SNX21: variants seen among roughly 807,000 people sequenced by gnomAD.
The protein encoded by SNX21 is sorting nexin-21.
A neutral mutation model predicts 30.9 loss-of-function variants in SNX21; 36 were observed. The observed-to-expected ratio is 1.16, with a 90% CI of 0.89 to 1.54. The LOEUF is 1.54. Ranked by LOEUF, SNX21 falls within the 40% of genes most tolerant of loss-of-function variation. The pLI is 0.00. For missense variants in SNX21, 508 were observed against 516.5 expected, an observed-to-expected ratio of 0.98 and a Z score of 0.16; for synonymous variants, 218 against 222.7, an observed-to-expected ratio of 0.98 and a Z score of 0.19.
chr20:45,837,075 C>A (rs543935298), intron 3 of SNX21, among the ~76,000 whole-genome samples: 36 of 152,270 alleles, frequency 2.4e-4, no homozygotes, highest in African/African-American at 8.7e-4. Flanking sequence ...TAAATGAAAT[C>A]ACAGATGTAA....
At chr20:45,835,186 C>G in intron 3 of SNX21, 70 bp downstream of exon 3, 4 of 1,504,652 alleles carry the variant, frequency 2.7e-6, no homozygotes, top group South Asian at 1.3e-5. Flanking sequence ...GGGAAGACCC[C>G]AACTTCCTGA....
rs1002196964 is a variant in SNX21, at chr20:45,833,958, G to A, written c.21+18G>A. Reference sequence around the variant, plus strand: ...CGCAGGAGGTAGAGGCGCACGAGGCGGCGCAAGAGACATCGGGAGGGTCCT... The same window carrying A: ...CGCAGGAGGTAGAGGCGCACGAGGCAGCGCAAGAGACATCGGGAGGGTCCT... On this transcript the variant is annotated intron_variant, in intron 1 of 3. Coordinates refer to ENST00000491381, the MANE Select transcript of SNX21 (RefSeq NM_033421.4). 2.1e-6 allele frequency: 3 copies of A among 1,433,514 alleles called. No homozygotes were observed. Among genetic ancestry groups the A allele is most frequent in the Admixed American group, 3.2e-5 (1 of 31,378 alleles). 88.8% of individuals were successfully genotyped at this position (1,433,514 alleles called of 1,614,324 possible).
At chr20:45,836,043 C>G (rs1983497534) in intron 3 of SNX21, among the ~76,000 whole-genome samples, 1 of 152,204 alleles carries the variant, frequency 6.6e-6, no homozygotes, top group Non-Finnish European at 1.5e-5. Context: ...TCCTCTTCAC[C>G]ACCCTTCTCC....
intron 3 of SNX21, among the ~76,000 whole-genome samples, chr20:45,837,919 C>G (rs977567378): frequency 6.6e-6 from 1 of 151,768 alleles, no homozygotes; most frequent in African/African-American, 2.4e-5. Flanking sequence ...ATTACAGGTG[C>G]CCACCACCAT....
chr20:45,841,834 C>A lies in SNX21; in HGVS notation c.*521C>A, dbSNP rs994405666. 1 of 1,598,904 alleles carries A rather than the reference C, an allele frequency of 6.3e-7. No homozygotes were observed. The highest frequency in any genetic ancestry group is 1.7e-4 in the Middle Eastern group (1 of 5,926). On this transcript the variant is annotated 3_prime_UTR_variant, in exon 4 of 4. Transcript: ENST00000491381. ...GAAGCCCCAGGCGAAGCTGGTACCT[C>A]TGGCTACAGCTTGCTCTCTGAGACC...
At chr20:45,839,746 A>G (rs1295101447) in intron 3 of SNX21, among the ~76,000 whole-genome samples, 2 of 151,414 alleles carry the variant, frequency 1.3e-5, no homozygotes, top group African/African-American at 4.9e-5. Flanking sequence ...AAAAAAAAAA[A>G]AAAATTTTTT....
chr20:45,839,317 C>T (rs549532865), intron 3 of SNX21, among the ~76,000 whole-genome samples: 1 of 151,986 alleles, frequency 6.6e-6, no homozygotes, highest in African/African-American at 2.4e-5. Flanking sequence ...AGATCGAGAC[C>T]ATCCTGGCTA....
At position 45,834,999 on chromosome 20, in the gene SNX21, C is replaced by T. The variant is rs774540528; in HGVS notation, c.330C>T (p.Leu110=). ...PPPDGQWGSQ[L]LARQLQDFWK... ...CTGATGGGCAGTGGGGCAGTCAGCT[C>T]CTGGCGCGGCAGCTGCAGGATTTCT... Residue 110 remains leucine (L), a synonymous_variant, in exon 3 of 4, where the codon CTC becomes CTT. Transcript: ENST00000491381. The T allele has an allele frequency of 1.2e-6, 2 of 1,614,204 alleles. No homozygotes were observed. Among genetic ancestry groups the T allele is most frequent in the South Asian group, 2.2e-5 (2 of 91,088 alleles).
intron 3 of SNX21, among the ~76,000 whole-genome samples, chr20:45,835,326 G>A (rs979416807): frequency 2.0e-5 from 3 of 152,208 alleles, no homozygotes; most frequent in African/African-American, 4.8e-5. Context: ...TGGGGATTAA[G>A]GACCTTCCTC....
At chr20:45,838,061 C>T (rs1048256087) in intron 3 of SNX21, among the ~76,000 whole-genome samples, 7 of 150,038 alleles carry the variant, frequency 4.7e-5, no homozygotes, top group Admixed American at 1.3e-4. Context: ...TGAGCCACTA[C>T]GCCCAGCCGA....
At chr20:45,837,935 G>T (rs1424552446) in intron 3 of SNX21, among the ~76,000 whole-genome samples, 2 of 151,198 alleles carry the variant, frequency 1.3e-5, no homozygotes, top group Non-Finnish European at 2.9e-5. Flanking sequence ...ACCATGCCTG[G>T]CTAACTTTTG....
intron 3 of SNX21, among the ~76,000 whole-genome samples, chr20:45,839,871 T>C (rs1194569382): frequency 1.3e-5 from 2 of 152,062 alleles, no homozygotes; most frequent in African/African-American, 2.4e-5. Flanking sequence ...ATTGTACCAG[T>C]GTACTCCAAC....
chr20:45,841,107 T>G lies in SNX21; in HGVS notation c.916T>G (p.Cys306Gly). Residue 306 changes from cysteine to glycine, a missense_variant, in exon 4 of 4, where the codon TGT (cysteine) becomes GGT (glycine). Physicochemically the swap from Cys to Gly is radical, Grantham distance 159 (BLOSUM62 -3). Coordinates refer to ENST00000491381, the MANE Select transcript of SNX21 (RefSeq NM_033421.4). The stretch of plus-strand genomic sequence containing the variant: ...AGACCCTGGAGAGGCCCGGGCATGC[T>G]GTGAGAAGGCCCTGCAGCTGCTTGG... ...LEDPGEARAC[C>G]EKALQLLGDK... 6.2e-7 allele frequency: 1 copy of G among 1,610,184 alleles called. No homozygotes were observed. The highest frequency in any genetic ancestry group is 1.1e-5 in the South Asian group (1 of 90,710).
intron 3 of SNX21, among the ~76,000 whole-genome samples, chr20:45,839,140 G>A (rs1053021188): frequency 6.6e-6 from 1 of 152,148 alleles, no homozygotes; most frequent in Non-Finnish European, 1.5e-5. Context: ...TGATCCACCT[G>A]CCTCAGCCTC....
intron 1 of SNX21, 29 bp from the exon 2 acceptor site, chr20:45,834,172 C>A: frequency 1.4e-6 from 2 of 1,465,420 alleles, no homozygotes; most frequent in Non-Finnish European, 1.8e-6. Context: ...CTCCGGGATC[C>A]GGTACACAGC....
intron 3 of SNX21, chr20:45,840,332 C>T: frequency 6.5e-7 from 1 of 1,532,862 alleles, no homozygotes; most frequent in Non-Finnish European, 8.7e-7. Flanking sequence ...AGGGGGCTGT[C>T]AGAAGAACTA....
At chr20:45,837,894 T>C (rs1983678619) in intron 3 of SNX21, among the ~76,000 whole-genome samples, 2 of 151,356 alleles carry the variant, frequency 1.3e-5, no homozygotes, top group Admixed American at 1.3e-4. Context: ...CGCCTCAGCC[T>C]CCTGAGTAGC....
chr20:45,839,308 G>C (rs1434459281), intron 3 of SNX21, among the ~76,000 whole-genome samples: 1 of 152,108 alleles, frequency 6.6e-6, no homozygotes, highest in Non-Finnish European at 1.5e-5. Flanking sequence ...AAGGTCAGGA[G>C]ATCGAGACCA....
rs565628624 is a variant in SNX21, at chr20:45,841,202, C to T, written c.1011C>T (p.Gly337=). ...EAHVRLSWRL[G]LDKRQSEARL... is the part of the protein sequence containing the mutation. Reference sequence around the variant, plus strand: ...ATGTCCGGCTCTCCTGGCGCCTGGGCCTGGACAAACGTCAATCAGAGGCTC... The same window carrying T: ...ATGTCCGGCTCTCCTGGCGCCTGGGTCTGGACAAACGTCAATCAGAGGCTC... The change falls in exon 4 of 4, where the codon GGC becomes GGT. Residue 337 remains glycine (G), a synonymous_variant. Coordinates refer to ENST00000491381, the MANE Select transcript of SNX21 (RefSeq NM_033421.4). 6.2e-6 allele frequency: 10 copies of T among 1,613,964 alleles called. No homozygotes were observed. Among genetic ancestry groups the T allele is most frequent in the South Asian group, 5.5e-5 (5 of 91,078 alleles).
Sources: allele counts gnomAD v4.1 joint callset (sites outside exome capture counted in the v4.1 genomes callset), GRCh38; gene constraint gnomAD v4.1.1; transcripts MANE v1.5; gene names NCBI Gene and HGNC (gene_info 2026-07-23, HGNC 2026-07-21).